The following TTBK2 variants were observed in gnomAD, a reference collection of about 807,000 sequenced individuals.
TTBK2 encodes the protein tau tubulin kinase 2.
Under a neutral mutation model 110.8 loss-of-function variants are expected in TTBK2, and 28 were observed. That is an observed-to-expected ratio of 0.25 (90% CI 0.19 to 0.35). The LOEUF is 0.35. Among genes scored for constraint, TTBK2 ranks in the 10% least tolerant of loss-of-function variants. TTBK2 has a pLI of 1.00. For synonymous variants in TTBK2, 532 were observed against 527.3 expected (o/e 1.01, Z -0.12); for missense variants, 1,369 against 1,500.3 (o/e 0.91, Z 1.45).
chr15:42,911,423 A>G (rs914961203), intron 1 of TTBK2, among the ~76,000 whole-genome samples: 70 of 152,352 alleles, frequency 4.6e-4, no homozygotes, highest in African/African-American at 1.6e-3. Context: ...GCAACATAGC[A>G]AGACCTTGTC....
chr15:42,895,152 A>C (rs1015589695), intron 1 of TTBK2, among the ~76,000 whole-genome samples: 2 of 152,244 alleles, frequency 1.3e-5, no homozygotes, highest in African/African-American at 4.8e-5. Flanking sequence ...AGAATGTTTC[A>C]TATAAATAAG....
chr15:42,911,435 C>G (rs577930100), intron 1 of TTBK2, among the ~76,000 whole-genome samples: 1 of 152,186 alleles, frequency 6.6e-6, no homozygotes, highest in Non-Finnish European at 1.5e-5. Flanking sequence ...GACCTTGTCT[C>G]TAACAAAAGA....
chr15:42,768,716 A>G (rs1428868494), intron 13 of TTBK2, among the ~76,000 whole-genome samples: 2 of 152,226 alleles, frequency 1.3e-5, no homozygotes, highest in Non-Finnish European at 2.9e-5. Flanking sequence ...TGCCATCCCA[A>G]TCAAGCTACC....
At chr15:42,805,741 A>G (rs1457970363) in intron 9 of TTBK2, among the ~76,000 whole-genome samples, 1 of 152,164 alleles carries the variant, frequency 6.6e-6, no homozygotes, top group Non-Finnish European at 1.5e-5. Flanking sequence ...AGTTCTGACT[A>G]CTGGGCATAC....
chr15:42,916,606 C>A (rs1266539676), intron 1 of TTBK2, among the ~76,000 whole-genome samples: 1 of 152,206 alleles, frequency 6.6e-6, no homozygotes, highest in Non-Finnish European at 1.5e-5. Flanking sequence ...GCTAGGATTA[C>A]ACGTGTGAGC....
At chr15:42,819,369 T>C (rs1371860669) in intron 6 of TTBK2, among the ~76,000 whole-genome samples, 18 of 152,036 alleles carry the variant, frequency 1.2e-4, no homozygotes, top group Middle Eastern at 3.4e-3. Context: ...AAAAAGTCCT[T>C]ACCAGAATAA....
At chr15:42,823,339 A>C in intron 6 of TTBK2, among the ~76,000 whole-genome samples, 1 of 152,210 alleles carries the variant, frequency 6.6e-6, no homozygotes, top group East Asian at 1.9e-4. Flanking sequence ...TGAAATTATG[A>C]ATCAAAGTGT....
intron 3 of TTBK2, among the ~76,000 whole-genome samples, chr15:42,849,094 T>C (rs1274173138): frequency 6.6e-6 from 1 of 152,208 alleles, no homozygotes. Flanking sequence ...TCATTCTGGA[T>C]TGCTGATGAC....
intron 3 of TTBK2, among the ~76,000 whole-genome samples, chr15:42,842,203 T>A (rs972601093): frequency 6.6e-6 from 1 of 151,542 alleles, no homozygotes; most frequent in Non-Finnish European, 1.5e-5. Context: ...CCCTAGAAAA[T>A]GCAACATTCA....
intron 14 of TTBK2, among the ~76,000 whole-genome samples, chr15:42,747,050 G>A (rs1595872441): frequency 6.7e-6 from 1 of 150,272 alleles, no homozygotes; most frequent in Admixed American, 6.7e-5. Context: ...CTGCAGTCTC[G>A]ACCTCCTGGG....
intron 6 of TTBK2, among the ~76,000 whole-genome samples, chr15:42,826,993 A>G (rs536638027): frequency 3.9e-5 from 6 of 152,374 alleles, no homozygotes; most frequent in East Asian, 1.9e-4. Context: ...ATTCCATTTT[A>G]GAAGCCACAA....
chr15:42,808,808 C>T (rs778893219), intron 9 of TTBK2, among the ~76,000 whole-genome samples: 2 of 152,098 alleles, frequency 1.3e-5, no homozygotes, highest in Non-Finnish European at 2.9e-5. Context: ...CATGTTTGCA[C>T]CAACTGCACT....
intron 11 of TTBK2, among the ~76,000 whole-genome samples, chr15:42,780,104 C>T (rs1890116618): frequency 6.6e-6 from 1 of 151,488 alleles, no homozygotes; most frequent in Non-Finnish European, 1.5e-5. Context: ...CTCACTGCAG[C>T]TTCTCCTCCC....
At chr15:42,800,210 T>C (rs1595923360) in intron 9 of TTBK2, 4 of 414,808 alleles carry the variant, frequency 9.6e-6, no homozygotes, top group South Asian at 7.1e-5. Flanking sequence ...AATGACCACA[T>C]ATTACTTTTA....
intron 13 of TTBK2, among the ~76,000 whole-genome samples, chr15:42,768,518 A>G (rs2140714040): frequency 6.6e-6 from 1 of 152,330 alleles, no homozygotes; most frequent in Admixed American, 6.5e-5. Context: ...AACTGCTACT[A>G]AGAGAATAAA....
chr15:42,868,646 C>G (rs1239277890), intron 3 of TTBK2, among the ~76,000 whole-genome samples: 1 of 149,604 alleles, frequency 6.7e-6, no homozygotes, highest in Non-Finnish European at 1.5e-5. Context: ...TGCTTGAGCC[C>G]AGGAATTTGA....
chr15:42,906,780 A>G (rs2030425513), intron 1 of TTBK2, among the ~76,000 whole-genome samples: 1 of 152,230 alleles, frequency 6.6e-6, no homozygotes, highest in Non-Finnish European at 1.5e-5. Context: ...TATCCATCTG[A>G]CAAGGAGTTA....
chr15:42,754,300 C>G (rs190610926), intron 13 of TTBK2, among the ~76,000 whole-genome samples: 4 of 151,874 alleles, frequency 2.6e-5, no homozygotes, highest in African/African-American at 9.7e-5. Flanking sequence ...AGGCTGGTCT[C>G]GAACTCCTGA....
chr15:42,825,320 G>T (rs969494430), intron 6 of TTBK2, among the ~76,000 whole-genome samples: 14 of 152,102 alleles, frequency 9.2e-5, no homozygotes, highest in Non-Finnish European at 7.4e-5. Flanking sequence ...AGAAAACAAA[G>T]AAATTAGTTA....
Sources: allele counts gnomAD v4.1 joint callset (sites outside exome capture counted in the v4.1 genomes callset), GRCh38; gene constraint gnomAD v4.1.1; transcripts MANE v1.5; gene names NCBI Gene and HGNC (gene_info 2026-07-23, HGNC 2026-07-21).